Variants in DGKH observed in about 807,000 individuals in gnomAD.
DGKH encodes the protein diacylglycerol kinase eta, also known as DAG kinase eta.
A neutral mutation model predicts 159.3 loss-of-function variants in DGKH; 90 were observed. The ratio of observed to expected loss-of-function variants is 0.57; its 90% confidence interval spans 0.48 to 0.67. The LOEUF is 0.67. Among genes scored for constraint, DGKH ranks in the 30% least tolerant of loss-of-function variants. The pLI, the probability that DGKH is intolerant of heterozygous loss-of-function variation, is 0.00. For synonymous variants in DGKH, 536 were observed against 553.8 expected, an observed-to-expected ratio of 0.97 and a Z score of 0.45; for missense variants, 1,181 against 1,506.1, an observed-to-expected ratio of 0.78 and a Z score of 3.57.
At chr13:42,150,363 T>TAACA (rs1955846879) in intron 3 of DGKH, among the ~76,000 whole-genome samples, 1 of 152,214 alleles carries the variant, frequency 6.6e-6, no homozygotes, top group Admixed American at 6.5e-5. Context: ...TTGTCTAGTA[T>TAACA]AACAGGAGAA....
At position 42,187,130 on chromosome 13, in the gene DGKH, T is replaced by G; in HGVS notation, c.1620T>G (p.Ala540=). Residue 540 remains alanine, a synonymous_variant, in exon 14 of 30, where the codon GCT becomes GCG. Coordinates refer to ENST00000337343, the MANE Select transcript of DGKH (RefSeq NM_178009.5). ...AAACCTTGGAAAATGCCGTTGTAGC[T>G]GATGCCGTGGCCAGTAAAGTAAGAG... is the stretch of plus-strand genomic sequence containing the variant. ...YDKTLENAVV[A]DAVASKCSVL... 1 of 1,614,048 alleles carries G rather than the reference T, an allele frequency of 6.2e-7. No individual in the cohort carries two copies. Among genetic ancestry groups the G allele is most frequent in the Non-Finnish European group, 8.5e-7 (1 of 1,179,922 alleles).
intron 1 of DGKH, chr13:42,069,742 C>A: frequency 1.8e-6 from 2 of 1,121,170 alleles, no homozygotes; most frequent in South Asian, 3.1e-5. Context: ...TAAATATGAT[C>A]ATGACCTCGT....
chr13:42,060,985 C>T (rs1882113029), intron 1 of DGKH, among the ~76,000 whole-genome samples: 1 of 152,084 alleles, frequency 6.6e-6, no homozygotes, highest in Non-Finnish European at 1.5e-5. Flanking sequence ...AGGACATGGA[C>T]ACACAGGAGG....
At chr13:42,059,829 A>G (rs73187211) in intron 1 of DGKH, among the ~76,000 whole-genome samples, 10,855 of 151,424 alleles carry the variant, frequency 0.072, 554 homozygotes, top group Non-Finnish European at 0.11. Flanking sequence ...CTTCTTGCCA[A>G]TTTGGATGCT....
chr13:42,114,037 A>G lies in DGKH; in HGVS notation c.193-13426A>G, dbSNP rs139343826. On this transcript the variant is annotated intron_variant, in intron 1 of 29. Transcript: ENST00000337343. ...TTTCACTCTCTACAAATAGTAGTTC[A>G]TTTACACATTTTGTAGGTATATCTC... Among the ~76,000 whole-genome samples, 1,163 of 152,290 alleles carry G rather than the reference A, an allele frequency of 7.6e-3. 14 individuals carry two copies. The highest frequency in any genetic ancestry group is 0.011 in the Non-Finnish European group (728 of 68,020).
At position 42,199,673 on chromosome 13, in the gene DGKH, G is replaced by A. The variant is rs200036444; in HGVS notation, c.2393G>A (p.Cys798Tyr). Residue 798 changes from cysteine (C) to tyrosine (Y), a missense_variant, in exon 19 of 30, where the codon TGC (cysteine) becomes TAC (tyrosine). Transcript: ENST00000337343. ...NNKREEHPEK[C>Y]RSRTKNLMWY... ...AAAAGAGAGGAGCACCCTGAAAAAT[G>A]CAGGTAATTTTAGTAAAAGTAATAA... 4.1e-5 allele frequency: 65 copies of A among 1,586,178 alleles called. No homozygotes were observed. In the East Asian group the frequency reaches 1.4e-3, roughly 35 times the overall value.
downstream of DGKH, among the ~76,000 whole-genome samples, chr13:42,245,593 G>GT (rs201351310): frequency 0.012 from 1,805 of 148,482 alleles, 25 homozygotes; most frequent in African/African-American, 0.037. Flanking sequence ...CAATACTTTT[G>GT]TTTTTTTTTT....
chr13:42,166,547 A>C lies in DGKH; in HGVS notation c.991A>C (p.Ser331Arg). The C allele has an allele frequency of 3.8e-6, 6 of 1,591,742 alleles. No homozygotes were observed. Among genetic ancestry groups the C allele is most frequent in the Non-Finnish European group, 5.1e-6 (6 of 1,169,608 alleles). Reference protein sequence around the residue: ...FCRATFSFCVSPLLVFVNSKS... With the variant: ...FCRATFSFCVRPLLVFVNSKS... ...TAGAGCAACATTTTCGTTCTGTGTT[A>C]GTCCTCTATTGGTTTTTGTCAATTC... The change falls in exon 9 of 30, where the codon AGT (serine) becomes CGT (arginine). Residue 331 changes from serine (S) to arginine (R), a missense_variant. Physicochemically the swap from Ser to Arg is moderately radical, Grantham distance 110 (BLOSUM62 -1). Around this residue, in one of 5 missense-constraint regions of DGKH, gnomAD observed 369 missense variants for 519.4 expected, o/e 0.71. Transcript: ENST00000337343.
At chr13:42,102,316 C>A (rs1411621998) in intron 1 of DGKH, among the ~76,000 whole-genome samples, 1 of 152,266 alleles carries the variant, frequency 6.6e-6, no homozygotes, top group Non-Finnish European at 1.5e-5. Context: ...CACTGGGAGC[C>A]AGCTGTGCTT....
intron 1 of DGKH, among the ~76,000 whole-genome samples, chr13:42,127,057 C>T (rs1955184636): frequency 6.6e-6 from 1 of 152,170 alleles, no homozygotes; most frequent in Admixed American, 6.6e-5. Context: ...TAGTAACTTG[C>T]CTGAGATCAT....
chr13:42,207,232 C>T (rs561126887), intron 21 of DGKH, among the ~76,000 whole-genome samples: 1 of 147,740 alleles, frequency 6.8e-6, no homozygotes, highest in Non-Finnish European at 1.5e-5. Flanking sequence ...CTCTGTCGCT[C>T]AGACTGGAGT....
At chr13:42,255,403 G>C (rs1958650638) in intron 30 of DGKH, among the ~76,000 whole-genome samples, 1 of 152,012 alleles carries the variant, frequency 6.6e-6, no homozygotes, top group African/African-American at 2.4e-5. Context: ...TTGATTTGCT[G>C]TCAGTGCTAT....
chr13:42,047,147 GTTA>G (rs1409830557), upstream of DGKH, among the ~76,000 whole-genome samples: 3 of 152,182 alleles, frequency 2.0e-5, no homozygotes, highest in African/African-American at 7.2e-5. Context: ...TAGCCTCTCT[GTTA>G]TTATTACATA....
intron 29 of DGKH, among the ~76,000 whole-genome samples, chr13:42,248,647 GAT>G (rs925078551): frequency 6.8e-6 from 1 of 146,048 alleles, no homozygotes; most frequent in Non-Finnish European, 1.5e-5. Flanking sequence ...ATATAATTAT[GAT>G]ATATATTTAT....
At chr13:42,118,875 C>T (rs957106153) in intron 1 of DGKH, among the ~76,000 whole-genome samples, 1 of 152,234 alleles carries the variant, frequency 6.6e-6, no homozygotes, top group East Asian at 1.9e-4. Flanking sequence ...GAAAATTACA[C>T]GCAAAACCAT....
intron 16 of DGKH, among the ~76,000 whole-genome samples, chr13:42,193,892 A>G (rs756631384): frequency 3.9e-4 from 60 of 152,342 alleles, no homozygotes; most frequent in Non-Finnish European, 4.3e-4. Context: ...AAAAATACCT[A>G]CCAGTAACTC....
At chr13:42,159,897 A>G in intron 6 of DGKH, 114 bp from the exon 7 acceptor site, 2 of 1,460,028 alleles carry the variant, frequency 1.4e-6, no homozygotes, top group Non-Finnish European at 9.4e-7. Flanking sequence ...AGTGAATGCT[A>G]TGCATGAAAC....
chr13:42,201,432 A>G (rs1275000505), intron 20 of DGKH, among the ~76,000 whole-genome samples: 1 of 152,202 alleles, frequency 6.6e-6, no homozygotes, highest in Non-Finnish European at 1.5e-5. Flanking sequence ...GTGATCAAGC[A>G]TAGCCAGCTA....
chr13:42,050,351 A>G lies in DGKH; in HGVS notation c.192+1386A>G, dbSNP rs576910671. ...GTGCCACTGCACTCCAGCCTGAGCGACAAAAAAAAAGCTAGTGGATTAATG... is the reference window on the plus strand; with the variant it reads ...GTGCCACTGCACTCCAGCCTGAGCGGCAAAAAAAAAGCTAGTGGATTAATG... On this transcript the variant is annotated intron_variant, in intron 1 of 29. Transcript: ENST00000337343. Among the ~76,000 whole-genome samples, 148 of 152,276 alleles carry G rather than the reference A, an allele frequency of 9.7e-4. 1 individual carries two copies. The highest frequency in any genetic ancestry group is 3.3e-3 in the African/African-American group (137 of 41,560).
Sources: gnomAD v4.1 joint callset for allele counts (sites outside exome capture counted in the v4.1 genomes callset) on GRCh38, gnomAD v4.1.1 for gene constraint, gnomAD v4.1.1 regional missense constraint, MANE v1.5 for transcripts, NCBI Gene and HGNC (gene_info 2026-07-23, HGNC 2026-07-21) for gene names.